Variants in VRK2 observed in about 807,000 individuals in gnomAD.
The protein encoded by VRK2 is serine/threonine-protein kinase VRK2.
VRK2 carries 60 observed loss-of-function variants against 57.6 expected under a neutral mutation model. The observed-to-expected ratio is 1.04, with a 90% confidence interval of 0.85 to 1.29. The LOEUF is 1.29. Ranked by LOEUF, VRK2 falls within the 50% of genes most tolerant of loss-of-function variation. VRK2 has a pLI of 0.00. For missense variants in VRK2, 705 were observed against 588.1 expected (o/e 1.20, Z -2.06); for synonymous variants, 231 against 199.2 (o/e 1.16, Z -1.35).
At chr2:58,093,546 T>C (rs1033449153) in intron 7 of VRK2, among the ~76,000 whole-genome samples, 5 of 152,226 alleles carry the variant, frequency 3.3e-5, no homozygotes, top group African/African-American at 1.2e-4. Context: ...TTGAGTTCTT[T>C]GTAGATTCTG....
chr2:57,978,124 G>A (rs1341485696), intron 1 of VRK2, among the ~76,000 whole-genome samples: 2 of 150,784 alleles, frequency 1.3e-5, no homozygotes, highest in Non-Finnish European at 1.5e-5. Flanking sequence ...GTTTAATAAT[G>A]TATGTTACAA....
At chr2:58,075,493 A>C (rs140688102) in intron 2 of VRK2, among the ~76,000 whole-genome samples, 75 of 152,258 alleles carry the variant, frequency 4.9e-4, no homozygotes, top group African/African-American at 1.8e-3. Flanking sequence ...ACTGATTTGC[A>C]TTCCCACCAG....
intron 1 of VRK2, among the ~76,000 whole-genome samples, chr2:57,944,967 G>A (rs1249328426): frequency 6.6e-6 from 1 of 152,044 alleles, no homozygotes; most frequent in East Asian, 1.9e-4. Context: ...TTGTGAATTA[G>A]ACTCCGTTGT....
At chr2:57,923,629 AAT>A (rs1327951894) in intron 1 of VRK2, among the ~76,000 whole-genome samples, 1 of 151,892 alleles carries the variant, frequency 6.6e-6, no homozygotes, top group East Asian at 1.9e-4. Flanking sequence ...TCTGATTATT[AAT>A]CTCTTGTCAG....
intron 2 of VRK2, among the ~76,000 whole-genome samples, chr2:58,056,211 G>A (rs1013919275): frequency 3.9e-5 from 6 of 151,900 alleles, no homozygotes; most frequent in African/African-American, 1.5e-4. Context: ...TTTCCTAATC[G>A]CCTTATAGCC....
At chr2:57,990,503 G>A (rs751153356) in intron 1 of VRK2, among the ~76,000 whole-genome samples, 2 of 152,126 alleles carry the variant, frequency 1.3e-5, no homozygotes, top group Non-Finnish European at 2.9e-5. Flanking sequence ...ATTAACGTTT[G>A]CCTTTCAAAA....
At chr2:57,911,746 A>G (rs929367657) in intron 1 of VRK2, among the ~76,000 whole-genome samples, 1 of 152,250 alleles carries the variant, frequency 6.6e-6, no homozygotes, top group African/African-American at 2.4e-5. Context: ...TGAACATTTA[A>G]TTACCGACAA....
At chr2:58,088,986 A>C (rs916885009) in intron 6 of VRK2, among the ~76,000 whole-genome samples, 1 of 152,194 alleles carries the variant, frequency 6.6e-6, no homozygotes, top group African/African-American at 2.4e-5. Context: ...GGTTTGTTTA[A>C]GTCTCATTTT....
intron 2 of VRK2, among the ~76,000 whole-genome samples, chr2:58,082,361 T>C (rs537117323): frequency 6.6e-6 from 1 of 151,958 alleles, no homozygotes; most frequent in Middle Eastern, 3.4e-3. Flanking sequence ...TTACATTCTG[T>C]TGGGCTTAAA....
chr2:58,041,073 G>A (rs1047519065), intron 3 of VRK2: 63 of 985,070 alleles, frequency 6.4e-5, no homozygotes, highest in Non-Finnish European at 7.2e-5. Context: ...TGTTAACTGG[G>A]GGGGAAAAAG....
At chr2:58,012,089 G>C (rs1054341713) in intron 1 of VRK2, among the ~76,000 whole-genome samples, 3 of 152,166 alleles carry the variant, frequency 2.0e-5, no homozygotes, top group Non-Finnish European at 4.4e-5. Flanking sequence ...GCAAACAAAA[G>C]AGTAGCTCTG....
At chr2:58,102,874 A>G (rs1336115838) in intron 7 of VRK2, among the ~76,000 whole-genome samples, 1 of 151,770 alleles carries the variant, frequency 6.6e-6, no homozygotes, top group Non-Finnish European at 1.5e-5. Flanking sequence ...AATCAAAATC[A>G]TATCAAGTGT....
intron 7 of VRK2, among the ~76,000 whole-genome samples, chr2:58,097,603 C>T (rs1673337417): frequency 6.6e-6 from 1 of 151,998 alleles, no homozygotes; most frequent in South Asian, 2.1e-4. Flanking sequence ...ATGTTTTAGT[C>T]AGCAACGGAC....
At chr2:57,980,842 G>A (rs948700767) in intron 1 of VRK2, among the ~76,000 whole-genome samples, 1 of 151,956 alleles carries the variant, frequency 6.6e-6, no homozygotes, top group Non-Finnish European at 1.5e-5. Context: ...CCTAAAATAA[G>A]AATAGCAACG....
At chr2:58,156,401 C>T (rs1184469067) in intron 12 of VRK2, among the ~76,000 whole-genome samples, 1 of 152,052 alleles carries the variant, frequency 6.6e-6, no homozygotes, top group East Asian at 1.9e-4. Flanking sequence ...TGATATTTGT[C>T]TTCAAATTGG....
At chr2:58,057,066 A>G (rs1041482526) in intron 2 of VRK2, among the ~76,000 whole-genome samples, 2 of 152,102 alleles carry the variant, frequency 1.3e-5, no homozygotes, top group African/African-American at 4.8e-5. Flanking sequence ...TGTCTTTTTA[A>G]CCTGTTTCCC....
chr2:58,060,863 A>G (rs1033434566), intron 2 of VRK2, among the ~76,000 whole-genome samples: 4 of 151,888 alleles, frequency 2.6e-5, no homozygotes, highest in Admixed American at 6.6e-5. Context: ...TATGATGGCT[A>G]AGAAAAATAA....
intron 2 of VRK2, among the ~76,000 whole-genome samples, chr2:58,051,958 A>G (rs1486241057): frequency 6.6e-6 from 1 of 152,222 alleles, no homozygotes; most frequent in Non-Finnish European, 1.5e-5. Context: ...GGATGGGAAA[A>G]ATTGCTGTCA....
chr2:58,009,570 T>C (rs1049670285), intron 1 of VRK2, among the ~76,000 whole-genome samples: 87 of 150,460 alleles, frequency 5.8e-4, no homozygotes, highest in African/African-American at 2.1e-3. Context: ...TTTTCACCCA[T>C]GATGTTCACA....
Sources: allele counts gnomAD v4.1 joint callset (sites outside exome capture counted in the v4.1 genomes callset), GRCh38; gene constraint gnomAD v4.1.1; transcripts MANE v1.5; gene names NCBI Gene and HGNC (gene_info 2026-07-23, HGNC 2026-07-21).